RUBCNL: variants seen among roughly 807,000 people sequenced by gnomAD.
RUBCNL encodes rubicon like autophagy enhancer.
A neutral mutation model predicts 69.5 loss-of-function variants in RUBCNL; 62 were observed. That is an observed-to-expected ratio of 0.89 (90% CI 0.73 to 1.10). The LOEUF is 1.10. RUBCNL is among the 50% of genes least tolerant of loss of function. RUBCNL has a pLI of 0.00. For missense variants in RUBCNL, 768 were observed against 798.1 expected, an observed-to-expected ratio of 0.96 and a Z score of 0.45; for synonymous variants, 291 against 303.6, an observed-to-expected ratio of 0.96 and a Z score of 0.43.
chr13:46,358,447 T>C (rs1222667802), intron 9 of RUBCNL, among the ~76,000 whole-genome samples: 1 of 152,272 alleles, frequency 6.6e-6, no homozygotes, highest in African/African-American at 2.4e-5. Context: ...ACTATTACTT[T>C]AAATTTATAG....
chr13:46,347,806 A>G (rs989751228), intron 12 of RUBCNL, among the ~76,000 whole-genome samples: 1 of 152,194 alleles, frequency 6.6e-6, no homozygotes, highest in Non-Finnish European at 1.5e-5. Context: ...CCTGGCTAAC[A>G]TGATGAAACC....
At chr13:46,351,189 TG>T (rs1199163563) in intron 10 of RUBCNL, among the ~76,000 whole-genome samples, 1 of 151,964 alleles carries the variant, frequency 6.6e-6, no homozygotes, top group Non-Finnish European at 1.5e-5. Flanking sequence ...TGCTTGAAGG[TG>T]GAGGCTACAG....
rs186113669 is a variant in RUBCNL, at chr13:46,341,131, G to C, written c.*2254C>G. On this transcript the variant is annotated 3_prime_UTR_variant, in exon 15 of 15. Coordinates refer to ENST00000429979, the MANE Select transcript of RUBCNL (RefSeq NM_025113.5). Reference sequence around the variant, plus strand: ...GGTGTAACTTCCTCCCTGCAGTTGAGAATCATGACTGTAAATGACACACTA... The same window carrying C: ...GGTGTAACTTCCTCCCTGCAGTTGACAATCATGACTGTAAATGACACACTA... Among the ~76,000 whole-genome samples the C allele has an allele frequency of 6.6e-6, 1 of 152,298 alleles. No homozygotes were observed. The highest frequency in any genetic ancestry group is 1.9e-4 in the East Asian group (1 of 5,184).
intron 5 of RUBCNL, among the ~76,000 whole-genome samples, chr13:46,365,751 G>A (rs1241150680): frequency 3.3e-5 from 5 of 152,128 alleles, no homozygotes; most frequent in Admixed American, 3.3e-4. Flanking sequence ...TGTTTAAAAG[G>A]CAGGAAGCAG....
At chr13:46,358,021 A>G (rs2048528936) in intron 9 of RUBCNL, among the ~76,000 whole-genome samples, 1 of 152,214 alleles carries the variant, frequency 6.6e-6, no homozygotes, top group Non-Finnish European at 1.5e-5. Flanking sequence ...ACAGTTCAGG[A>G]TCAGCAAAAG....
At chr13:46,346,231 C>A (rs946085322) in intron 12 of RUBCNL, among the ~76,000 whole-genome samples, 12 of 152,334 alleles carry the variant, frequency 7.9e-5, no homozygotes, top group African/African-American at 2.6e-4. Flanking sequence ...CAGCCATGGC[C>A]TACACTGGAC....
chr13:46,349,379 T>C (rs2048320083), intron 11 of RUBCNL, 32 bp from the exon 12 acceptor site: 1 of 1,554,566 alleles, frequency 6.4e-7, no homozygotes, highest in African/African-American at 1.4e-5. Context: ...GGGGAAAAGT[T>C]AAATGTAATA....
chr13:46,388,366 AAAGG>A (rs893547588), upstream of RUBCNL, among the ~76,000 whole-genome samples: 18 of 144,162 alleles, frequency 1.2e-4, no homozygotes, highest in East Asian at 2.0e-4. Context: ...GAAAGCAAAG[AAAGG>A]AAGGAAGGAA....
At position 46,341,165 on chromosome 13, in the gene RUBCNL, G is replaced by A. The variant is rs1372530193; in HGVS notation, c.*2220C>T. ...CTGTAAATGACACACTACTGGAATTGCCCATGTGAAGAGTGCAGAGGCAGA... is the reference window on the plus strand; with the variant it reads ...CTGTAAATGACACACTACTGGAATTACCCATGTGAAGAGTGCAGAGGCAGA... On this transcript the variant is annotated 3_prime_UTR_variant, in exon 15 of 15. Coordinates refer to ENST00000429979, the MANE Select transcript of RUBCNL (RefSeq NM_025113.5). Among the ~76,000 whole-genome samples the A allele has an allele frequency of 6.6e-6, 1 of 152,178 alleles. No homozygotes were observed. Among genetic ancestry groups the A allele is most frequent in the Non-Finnish European group, 1.5e-5 (1 of 68,030 alleles).
intron 5 of RUBCNL, 47 bp from the exon 6 acceptor site, chr13:46,363,260 A>C: frequency 9.4e-7 from 1 of 1,058,626 alleles, no homozygotes; most frequent in Non-Finnish European, 1.3e-6. Flanking sequence ...AAGAAAAAGA[A>C]AAACTGTACA....
At chr13:46,351,630 T>C (rs917486374) in intron 10 of RUBCNL, among the ~76,000 whole-genome samples, 1 of 152,164 alleles carries the variant, frequency 6.6e-6, no homozygotes. Flanking sequence ...TGAAATGCTG[T>C]ACAGCCCATA....
intron 9 of RUBCNL, among the ~76,000 whole-genome samples, chr13:46,357,078 C>G (rs1050005689): frequency 4.0e-5 from 6 of 150,480 alleles, no homozygotes; most frequent in Non-Finnish European, 8.9e-5. Flanking sequence ...CACGGTGGCT[C>G]ACGCCTGTAA....
chr13:46,384,709 T>C (rs981117718), intron 1 of RUBCNL, among the ~76,000 whole-genome samples: 1 of 152,260 alleles, frequency 6.6e-6, no homozygotes, highest in Non-Finnish European at 1.5e-5. Flanking sequence ...TTATTCTAAC[T>C]TCTATTCATT....
intron 14 of RUBCNL, among the ~76,000 whole-genome samples, chr13:46,344,433 T>G (rs2048199557): frequency 6.6e-6 from 1 of 152,168 alleles, no homozygotes; most frequent in Admixed American, 6.5e-5. Context: ...CCACTGGGCA[T>G]GAATGATCCA....
intron 7 of RUBCNL, among the ~76,000 whole-genome samples, chr13:46,362,233 G>T (rs2048629815): frequency 6.6e-6 from 1 of 152,034 alleles, no homozygotes; most frequent in Non-Finnish European, 1.5e-5. Flanking sequence ...GCAAAACTCG[G>T]TCTCAAAAAC....
At chr13:46,345,887 G>C (rs904817715) in intron 12 of RUBCNL, among the ~76,000 whole-genome samples, 1 of 152,138 alleles carries the variant, frequency 6.6e-6, no homozygotes, top group Non-Finnish European at 1.5e-5. Flanking sequence ...TTGAGCAAAA[G>C]AAAACTGAGC....
chr13:46,353,687 C>T (rs1174173107), intron 10 of RUBCNL, among the ~76,000 whole-genome samples: 1 of 152,150 alleles, frequency 6.6e-6, no homozygotes, highest in Non-Finnish European at 1.5e-5. Context: ...AATCCTGCTC[C>T]AAAACACAAT....
chr13:46,368,562 G>A (rs41284173), intron 4 of RUBCNL, 171 bp downstream of exon 4: 13 of 923,076 alleles, frequency 1.4e-5, no homozygotes, highest in East Asian at 1.2e-4. Flanking sequence ...GCACAGGCAC[G>A]GCCTCGGAAC....
intron 12 of RUBCNL, among the ~76,000 whole-genome samples, chr13:46,348,825 A>T (rs2048307207): frequency 1.3e-5 from 2 of 152,040 alleles, no homozygotes; most frequent in Non-Finnish European, 2.9e-5. Flanking sequence ...GATGGTCTCG[A>T]TCTCTTGACC....
Sources: gnomAD v4.1 joint callset for allele counts (sites outside exome capture counted in the v4.1 genomes callset) on GRCh38, gnomAD v4.1.1 for gene constraint, MANE v1.5 for transcripts, NCBI Gene and HGNC (gene_info 2026-07-23, HGNC 2026-07-21) for gene names.